NTRK2: variants seen among roughly 807,000 people sequenced by gnomAD.
NTRK2 encodes neurotrophic receptor tyrosine kinase 2.
Under a neutral mutation model 94.5 loss-of-function variants are expected in NTRK2, and 13 were observed. The observed-to-expected ratio is 0.14, with a 90% confidence interval of 0.09 to 0.22. NTRK2 has a LOEUF of 0.22. Among genes scored for constraint, NTRK2 ranks in the 10% least tolerant of loss-of-function variants. NTRK2 has a pLI of 1.00. For missense variants in NTRK2, 639 were observed against 1,071.2 expected (o/e 0.60, Z 5.63); for synonymous variants, 372 against 407.4 (o/e 0.91, Z 1.05).
chr9:84,819,323 C>T (rs1027276446), intron 12 of NTRK2, among the ~76,000 whole-genome samples: 7 of 152,328 alleles, frequency 4.6e-5, no homozygotes, highest in African/African-American at 1.7e-4. Flanking sequence ...AATTTCACCT[C>T]AAGCCCCTTG....
chr9:84,852,961 A>G (rs2074854034), intron 12 of NTRK2, among the ~76,000 whole-genome samples: 1 of 152,042 alleles, frequency 6.6e-6, no homozygotes, highest in Non-Finnish European at 1.5e-5. Context: ...GTTTCCTGGC[A>G]TATAGCAAGC....
At chr9:84,996,857 G>A (rs970814098) in intron 17 of NTRK2, among the ~76,000 whole-genome samples, 2 of 152,222 alleles carry the variant, frequency 1.3e-5, no homozygotes, top group Non-Finnish European at 2.9e-5. Flanking sequence ...CATGGCAGGT[G>A]CCCTGCAAGC....
intron 12 of NTRK2, among the ~76,000 whole-genome samples, chr9:84,808,553 G>T (rs1308704858): frequency 1.3e-5 from 2 of 152,188 alleles, no homozygotes; most frequent in Non-Finnish European, 2.9e-5. Flanking sequence ...AAGCTAAGAA[G>T]TTTGATTTGT....
At chr9:84,908,760 A>T in intron 14 of NTRK2, among the ~76,000 whole-genome samples, 1 of 152,298 alleles carries the variant, frequency 6.6e-6, no homozygotes, top group African/African-American at 2.4e-5. Flanking sequence ...AATGAATGGT[A>T]GCTTTTAGTG....
intron 12 of NTRK2, among the ~76,000 whole-genome samples, chr9:84,822,364 G>A (rs777385355): frequency 2.6e-5 from 4 of 151,884 alleles, no homozygotes; most frequent in Admixed American, 6.6e-5. Flanking sequence ...TTTTCCTTTC[G>A]ATTCATGGGA....
rs72498526 is a variant in NTRK2, at chr9:84,844,621, A to G, written c.1397-16419A>G. 4.6e-3 allele frequency among the ~76,000 whole-genome samples: 690 copies of G among 151,106 alleles called. 13 individuals carry two copies. The highest frequency in any genetic ancestry group is 0.037 in the Admixed American group (562 of 15,080). ...AAAGTGTTAATCATGAGGGAAATGC[A>G]AATGAAAACTACAATGTAATACCTC... On this transcript the variant is annotated intron_variant, in intron 12 of 18. Coordinates refer to ENST00000277120, the MANE Select transcript of NTRK2 (RefSeq NM_006180.6).
At chr9:84,706,229 C>T (rs892898702) in intron 4 of NTRK2, among the ~76,000 whole-genome samples, 35 of 107,008 alleles carry the variant, frequency 3.3e-4, no homozygotes, top group Non-Finnish European at 5.8e-4. Context: ...GGAGGAAGGA[C>T]GGTACCCTGT....
intron 12 of NTRK2, among the ~76,000 whole-genome samples, chr9:84,793,492 G>A (rs181343056): frequency 2.6e-5 from 4 of 152,260 alleles, no homozygotes; most frequent in Admixed American, 2.0e-4. Flanking sequence ...AGTGAGTGTG[G>A]CCACCTGGAA....
Position 84,670,837 on chromosome 9 carries a change from T to A in NTRK2, c.89T>A (p.Phe30Tyr). 2.5e-6 allele frequency: 4 copies of A among 1,614,108 alleles called. No individual in the cohort carries two copies. Among genetic ancestry groups the A allele is most frequent in the Non-Finnish European group, 2.5e-6 (3 of 1,180,028 alleles). Residue 30 changes from phenylalanine (F) to tyrosine (Y), a missense_variant, in exon 2 of 19, where the codon TTC becomes TAC. By Grantham distance (22) the Phe-to-Tyr change is conservative. Coordinates refer to ENST00000277120, the MANE Select transcript of NTRK2 (RefSeq NM_006180.6). The part of the protein sequence containing the change: ...WLVVGFWRAA[F>Y]ACPTSCKCSA... ...GTTGTGGGCTTCTGGAGGGCCGCTT[T>A]CGCCTGTCCCACGTCCTGCAAATGC...
chr9:84,708,244 C>A (rs921296612), intron 5 of NTRK2, among the ~76,000 whole-genome samples: 30 of 152,152 alleles, frequency 2.0e-4, no homozygotes, highest in African/African-American at 6.5e-4. Context: ...TGCTTTATAT[C>A]TCACAGCTCT....
In NTRK2 at chr9:84,740,387, T is replaced by G. The variant is rs76741599; in HGVS notation, c.1160-1505T>G. Among the ~76,000 whole-genome samples the G allele has an allele frequency of 6.9e-3, 1,058 of 152,368 alleles. 15 individuals carry two copies. Among genetic ancestry groups the G allele is most frequent in the African/African-American group, 0.024 (998 of 41,586 alleles). ...CACATATGATAACTCAAAATGAGTT[T>G]GAATTGGTGTTTGGGATAATAAAAT... On this transcript the variant is annotated intron_variant, in intron 9 of 18. Transcript: ENST00000277120.
chr9:84,916,872 A>G (rs1180475132), intron 14 of NTRK2, among the ~76,000 whole-genome samples: 1 of 152,220 alleles, frequency 6.6e-6, no homozygotes, highest in Non-Finnish European at 1.5e-5. Flanking sequence ...GCAGTGATTT[A>G]CGGTGACATC....
At chr9:84,797,583 A>C (rs1380579190) in intron 12 of NTRK2, among the ~76,000 whole-genome samples, 1 of 92,238 alleles carries the variant, frequency 1.1e-5, no homozygotes, top group Non-Finnish European at 2.0e-5. Context: ...TATATTATAT[A>C]TACTATATAT....
chr9:84,871,981 C>T, intron 14 of NTRK2: 1 of 1,555,334 alleles, frequency 6.4e-7, no homozygotes, highest in Non-Finnish European at 8.7e-7. Context: ...CAAGAAGTTG[C>T]CTTTCCAAGA....
intron 12 of NTRK2, among the ~76,000 whole-genome samples, chr9:84,797,305 A>G (rs1316975264): frequency 6.6e-6 from 1 of 151,674 alleles, no homozygotes; most frequent in Non-Finnish European, 1.5e-5. Flanking sequence ...CTTTCATACT[A>G]CAATGGCAGA....
intron 6 of NTRK2, among the ~76,000 whole-genome samples, chr9:84,711,382 C>T (rs1780008629): frequency 6.6e-6 from 1 of 152,182 alleles, no homozygotes; most frequent in South Asian, 2.1e-4. Context: ...TTTTCATCTC[C>T]AACATTTAAA....
At chr9:84,915,913 C>T (rs529245654) in intron 14 of NTRK2, among the ~76,000 whole-genome samples, 1 of 151,952 alleles carries the variant, frequency 6.6e-6, no homozygotes, top group African/African-American at 2.4e-5. Flanking sequence ...GTGTCCTGCT[C>T]AATGTAAAAG....
intron 12 of NTRK2, among the ~76,000 whole-genome samples, chr9:84,851,111 C>T (rs757973605): frequency 6.6e-6 from 1 of 152,114 alleles, no homozygotes; most frequent in Non-Finnish European, 1.5e-5. Context: ...TTAGATGCTC[C>T]TAGCACACAC....
chr9:84,802,896 G>T (rs1400100367), intron 12 of NTRK2, among the ~76,000 whole-genome samples: 2 of 152,140 alleles, frequency 1.3e-5, no homozygotes, highest in African/African-American at 2.4e-5. Flanking sequence ...GAATGAGTGG[G>T]TTCTCTTGAA....
Sources: allele counts gnomAD v4.1 joint callset (sites outside exome capture counted in the v4.1 genomes callset), GRCh38; gene constraint gnomAD v4.1.1; transcripts MANE v1.5; gene names NCBI Gene and HGNC (gene_info 2026-07-23, HGNC 2026-07-21).